The following NSMCE2 variants were observed in gnomAD, a reference collection of about 807,000 sequenced individuals.
The protein encoded by NSMCE2 is NSE2 SUMO ligase component of SMC5/6 complex.
A neutral mutation model predicts 23.8 loss-of-function variants in NSMCE2; 24 were observed. The observed-to-expected ratio is 1.01, with a 90% CI of 0.73 to 1.42. NSMCE2 has a LOEUF of 1.42. NSMCE2 is among the 40% of genes most tolerant of loss of function. The probability of loss-of-function intolerance (pLI) is 0.00; values close to 1 mark genes in which losing one functional copy is unlikely to be tolerated. For synonymous variants in NSMCE2, 92 were observed against 94.1 expected, an observed-to-expected ratio of 0.98 and a Z score of 0.13; for missense variants, 284 against 296.5, an observed-to-expected ratio of 0.96 and a Z score of 0.31.
chr8:125,205,635 G>T (rs1258056893), intron 5 of NSMCE2, among the ~76,000 whole-genome samples: 1 of 152,156 alleles, frequency 6.6e-6, no homozygotes, highest in Non-Finnish European at 1.5e-5. Context: ...ATACCAAGTT[G>T]TGAGAAGCAG....
intron 5 of NSMCE2, among the ~76,000 whole-genome samples, chr8:125,217,629 G>A (rs1412077594): frequency 6.6e-6 from 1 of 152,154 alleles, no homozygotes; most frequent in Non-Finnish European, 1.5e-5. Flanking sequence ...GCCTCCCAAA[G>A]TGCTGGGATT....
chr8:125,313,714 C>T (rs1829064591), intron 5 of NSMCE2, among the ~76,000 whole-genome samples: 1 of 152,170 alleles, frequency 6.6e-6, no homozygotes, highest in South Asian at 2.1e-4. Context: ...TCCTTGTTCC[C>T]CATACTCTTC....
At chr8:125,113,057 TG>T (rs60153673) in intron 3 of NSMCE2, among the ~76,000 whole-genome samples, 31,515 of 105,446 alleles carry the variant, frequency 0.3, 5,519 homozygotes, top group African/African-American at 0.54. Flanking sequence ...TAACAGAAAA[TG>T]GGGGGGGGGG....
chr8:125,187,257 A>G (rs1823148578), intron 5 of NSMCE2, among the ~76,000 whole-genome samples: 1 of 152,234 alleles, frequency 6.6e-6, no homozygotes, highest in Non-Finnish European at 1.5e-5. Context: ...TTGATCGAAG[A>G]TAACTTCTAC....
chr8:125,246,394 A>G (rs1825963024), intron 5 of NSMCE2, among the ~76,000 whole-genome samples: 1 of 151,938 alleles, frequency 6.6e-6, no homozygotes, highest in Non-Finnish European at 1.5e-5. Context: ...ATGTTGGTCC[A>G]GCTGCTCTCG....
intron 5 of NSMCE2, among the ~76,000 whole-genome samples, chr8:125,257,565 G>A (rs564436159): frequency 4.3e-4 from 50 of 116,756 alleles, no homozygotes; most frequent in African/African-American, 1.5e-3. Flanking sequence ...ACGGAGTCTC[G>A]CTCTGTCGCC....
rs16900502 is a variant in NSMCE2, at chr8:125,275,250, C to G, written c.419-81969C>G. On this transcript the variant is annotated intron_variant, in intron 5 of 7. Coordinates refer to ENST00000287437, the MANE Select transcript of NSMCE2 (RefSeq NM_173685.4). Reference sequence around the variant, plus strand: ...ATTTGATGTCCTTTGATGCAACTCTCATTTCAGCTTCTGTGAAACTTTCTG... The same window carrying G: ...ATTTGATGTCCTTTGATGCAACTCTGATTTCAGCTTCTGTGAAACTTTCTG... Among the ~76,000 whole-genome samples the G allele has an allele frequency of 7.7e-3, 1,179 of 152,270 alleles. 11 individuals carry two copies. The highest frequency in any genetic ancestry group is 0.027 in the African/African-American group (1,134 of 41,540).
intron 4 of NSMCE2, among the ~76,000 whole-genome samples, chr8:125,157,458 A>G (rs188630175): frequency 9.1e-4 from 138 of 152,174 alleles, no homozygotes; most frequent in African/African-American, 3.3e-3. Context: ...TTAGGTATTC[A>G]CTCTTCAGAC....
intron 3 of NSMCE2, among the ~76,000 whole-genome samples, chr8:125,116,922 C>T (rs1012557078): frequency 7.2e-6 from 1 of 138,970 alleles, no homozygotes; most frequent in Non-Finnish European, 1.5e-5. Flanking sequence ...GAGCCTCTCT[C>T]TGTCACCCAC....
At chr8:125,250,822 T>C (rs1586671334) in intron 5 of NSMCE2, among the ~76,000 whole-genome samples, 1 of 152,140 alleles carries the variant, frequency 6.6e-6, no homozygotes, top group Non-Finnish European at 1.5e-5. Flanking sequence ...AGCCCATTTC[T>C]TAGTTTTTAT....
intron 5 of NSMCE2, among the ~76,000 whole-genome samples, chr8:125,201,713 C>T (rs1250293513): frequency 6.6e-6 from 1 of 152,250 alleles, no homozygotes; most frequent in African/African-American, 2.4e-5. Flanking sequence ...GAGAGAACCA[C>T]TGCTCTCTTC....
Position 125,151,562 on chromosome 8 carries a change from T to C in NSMCE2, c.264+285T>C, listed in dbSNP as rs1821032010. On this transcript the variant is annotated intron_variant, in intron 4 of 7. Coordinates refer to ENST00000287437, the MANE Select transcript of NSMCE2 (RefSeq NM_173685.4). Reference sequence around the variant, plus strand: ...TCCTTTGAATGTGAGGAGATTTTTATAAAATCCTAAAAATTGCATGCACCT... The same window carrying C: ...TCCTTTGAATGTGAGGAGATTTTTACAAAATCCTAAAAATTGCATGCACCT... Among the ~76,000 whole-genome samples, 2 of 152,240 alleles carry C rather than the reference T, an allele frequency of 1.3e-5. 1 individual carries two copies. Among genetic ancestry groups the C allele is most frequent in the Non-Finnish European group, 2.9e-5 (2 of 68,042 alleles).
intron 3 of NSMCE2, among the ~76,000 whole-genome samples, chr8:125,106,693 AAAAC>A (rs1278590477): frequency 2.0e-5 from 3 of 150,836 alleles, no homozygotes; most frequent in Non-Finnish European, 3.0e-5. Context: ...TCAAAAAAAA[AAAAC>A]AAACAACTTT....
At chr8:125,213,093 A>G (rs1416928841) in intron 5 of NSMCE2, among the ~76,000 whole-genome samples, 3 of 152,256 alleles carry the variant, frequency 2.0e-5, no homozygotes, top group Non-Finnish European at 2.9e-5. Flanking sequence ...ATAGGGAAAA[A>G]GAAAAAAAGA....
chr8:125,302,786 CAT>C (rs1828615180), intron 5 of NSMCE2, among the ~76,000 whole-genome samples: 2 of 152,212 alleles, frequency 1.3e-5, no homozygotes, highest in African/African-American at 2.4e-5. Context: ...TGAATATAGA[CAT>C]GTGTTTGCCA....
chr8:125,259,238 G>A (rs1826575373), intron 5 of NSMCE2, among the ~76,000 whole-genome samples: 1 of 152,146 alleles, frequency 6.6e-6, no homozygotes, highest in Non-Finnish European at 1.5e-5. Flanking sequence ...GCCAGACAGA[G>A]ATGGGCTCCT....
At chr8:125,291,512 ACTCTGC>A (rs1272584143) in intron 5 of NSMCE2, among the ~76,000 whole-genome samples, 1 of 152,164 alleles carries the variant, frequency 6.6e-6, no homozygotes, top group African/African-American at 2.4e-5. Flanking sequence ...ACATTGGCCA[ACTCTGC>A]AAGCAGATTT....
Position 125,367,080 on chromosome 8 carries a change from T to A in NSMCE2, c.*195T>A, listed in dbSNP as rs545829698. ...GAAATGCAATCATATTGTTTATTTT[T>A]AAGTGTTCTATAATGTTAAATAAAA... On this transcript the variant is annotated 3_prime_UTR_variant, in exon 8 of 8. Coordinates refer to ENST00000287437, the MANE Select transcript of NSMCE2 (RefSeq NM_173685.4). 1.4e-4 allele frequency: 73 copies of A among 533,954 alleles called. 1 individual carries two copies. In the South Asian group the frequency reaches 1.5e-3, roughly 11 times the overall value. 33.1% of individuals were successfully genotyped at this position (533,954 alleles called of 1,614,324 possible).
intron 5 of NSMCE2, among the ~76,000 whole-genome samples, chr8:125,351,900 C>T (rs1813052480): frequency 1.3e-5 from 2 of 152,056 alleles, no homozygotes; most frequent in African/African-American, 4.8e-5. Flanking sequence ...GTAATCCCAG[C>T]TACTTGGGAG....
Sources: allele counts gnomAD v4.1 joint callset (sites outside exome capture counted in the v4.1 genomes callset), GRCh38; gene constraint gnomAD v4.1.1; transcripts MANE v1.5; gene names NCBI Gene and HGNC (gene_info 2026-07-23, HGNC 2026-07-21).